Variants in NTNG1 observed in about 807,000 individuals in gnomAD.
The protein encoded by NTNG1 is netrin-G1.
A neutral mutation model predicts 54.0 loss-of-function variants in NTNG1; 16 were observed. The ratio of observed to expected loss-of-function variants is 0.30; its 90% CI spans 0.20 to 0.45. NTNG1 has a LOEUF of 0.45. Ranked by LOEUF, NTNG1 falls within the 20% of genes least tolerant of loss-of-function variation. NTNG1 has a pLI of 1.00. For synonymous variants in NTNG1, 255 were observed against 263.1 expected, an observed-to-expected ratio of 0.97 and a Z score of 0.30; for missense variants, 530 against 678.7, an observed-to-expected ratio of 0.78 and a Z score of 2.43.
chr1:107,262,965 G>T (rs201363069), intron 2 of NTNG1, among the ~76,000 whole-genome samples: 1 of 152,184 alleles, frequency 6.6e-6, no homozygotes, highest in East Asian at 1.9e-4. Context: ...CCCATTAGAG[G>T]ATCTGGTGGT....
chr1:107,443,118 T>C (rs1212342596), intron 7 of NTNG1, among the ~76,000 whole-genome samples: 1 of 152,058 alleles, frequency 6.6e-6, no homozygotes, highest in Non-Finnish European at 1.5e-5. Context: ...CTTCCCAGCT[T>C]TAACGTCAGA....
At chr1:107,285,561 T>C (rs964124797) in intron 2 of NTNG1, among the ~76,000 whole-genome samples, 2 of 152,184 alleles carry the variant, frequency 1.3e-5, no homozygotes, top group Non-Finnish European at 2.9e-5. Flanking sequence ...AGCTTTTTAA[T>C]ATATGAAAAT....
intron 3 of NTNG1, among the ~76,000 whole-genome samples, chr1:107,366,133 T>G (rs1040932513): frequency 6.6e-6 from 1 of 152,052 alleles, no homozygotes; most frequent in Non-Finnish European, 1.5e-5. Context: ...AGCAGAGAGT[T>G]AAGTAATATT....
chr1:107,383,907 T>C (rs17018843), intron 3 of NTNG1, among the ~76,000 whole-genome samples: 3,421 of 152,380 alleles, frequency 0.022, 113 homozygotes, highest in African/African-American at 0.066. Context: ...CCTAGTTTTG[T>C]TAATGCTGTT....
intron 2 of NTNG1, among the ~76,000 whole-genome samples, chr1:107,225,557 G>C (rs529382093): frequency 4.6e-5 from 7 of 152,216 alleles, no homozygotes; most frequent in Non-Finnish European, 8.8e-5. Flanking sequence ...TCCTGAGCAA[G>C]ATACATAACC....
chr1:107,469,466 T>C (rs1298855535), intron 7 of NTNG1, among the ~76,000 whole-genome samples: 1 of 152,132 alleles, frequency 6.6e-6, no homozygotes, highest in Non-Finnish European at 1.5e-5. Context: ...TTTTATTTAT[T>C]TTATTTTATC....
At chr1:107,150,740 T>C (rs979026605) in intron 2 of NTNG1, among the ~76,000 whole-genome samples, 5 of 152,094 alleles carry the variant, frequency 3.3e-5, no homozygotes, top group Non-Finnish European at 4.4e-5. Flanking sequence ...TGTTGAAGGG[T>C]TTACTTGGTG....
intron 3 of NTNG1, among the ~76,000 whole-genome samples, chr1:107,364,486 A>C (rs1670473604): frequency 6.6e-6 from 1 of 152,178 alleles, no homozygotes; most frequent in Non-Finnish European, 1.5e-5. Context: ...CTAGGAGTGA[A>C]CTGACTTGGT....
At chr1:107,284,081 C>T (rs1005650027) in intron 2 of NTNG1, among the ~76,000 whole-genome samples, 2 of 152,112 alleles carry the variant, frequency 1.3e-5, no homozygotes. Flanking sequence ...TGTTAGTATA[C>T]TTATCTCCTT....
At chr1:107,274,702 A>C (rs918202800) in intron 2 of NTNG1, among the ~76,000 whole-genome samples, 1 of 152,232 alleles carries the variant, frequency 6.6e-6, no homozygotes, top group Non-Finnish European at 1.5e-5. Context: ...GCAGGAAAGC[A>C]CTGGAGACAA....
At chr1:107,257,295 G>C (rs1345948811) in intron 2 of NTNG1, among the ~76,000 whole-genome samples, 1 of 152,158 alleles carries the variant, frequency 6.6e-6, no homozygotes, top group African/African-American at 2.4e-5. Context: ...TTTGTTAAAA[G>C]TATCCCAAGA....
At chr1:107,241,453 T>G (rs1479947345) in intron 2 of NTNG1, among the ~76,000 whole-genome samples, 1 of 152,196 alleles carries the variant, frequency 6.6e-6, no homozygotes, top group African/African-American at 2.4e-5. Flanking sequence ...CTGTATAATG[T>G]CCAAATATAA....
intron 2 of NTNG1, among the ~76,000 whole-genome samples, chr1:107,316,560 C>T (rs1047000208): frequency 4.6e-5 from 7 of 152,236 alleles, no homozygotes; most frequent in African/African-American, 1.7e-4. Flanking sequence ...GGCTTTGTTT[C>T]CCTACAAATG....
intron 3 of NTNG1, among the ~76,000 whole-genome samples, chr1:107,363,397 T>A (rs1438512627): frequency 2.6e-5 from 4 of 152,172 alleles, no homozygotes; most frequent in Admixed American, 6.6e-5. Flanking sequence ...GGTCATCCAG[T>A]CCAATTCAGT....
intron 2 of NTNG1, among the ~76,000 whole-genome samples, chr1:107,197,641 G>C (rs895374716): frequency 4.6e-5 from 7 of 151,880 alleles, no homozygotes; most frequent in Non-Finnish European, 7.4e-5. Flanking sequence ...TTGGCCCTCT[G>C]TCTTCAGGCT....
At chr1:107,352,893 C>T (rs1669710306) in intron 3 of NTNG1, among the ~76,000 whole-genome samples, 1 of 152,190 alleles carries the variant, frequency 6.6e-6, no homozygotes, top group Admixed American at 6.5e-5. Context: ...AGGTGGGCCC[C>T]TTTGAGCCAC....
chr1:107,376,379 GCCTGGGTGACA>G (rs1206559959), intron 3 of NTNG1, among the ~76,000 whole-genome samples: 10 of 150,574 alleles, frequency 6.6e-5, no homozygotes, highest in Admixed American at 6.0e-4. Context: ...CTGCACTCCA[GCCTGGGTGACA>G]GAGTGAGACT....
chr1:107,414,627 G>A (rs542167955), intron 5 of NTNG1, among the ~76,000 whole-genome samples: 2 of 152,084 alleles, frequency 1.3e-5, no homozygotes, highest in South Asian at 4.2e-4. Flanking sequence ...AAAAAATAGG[G>A]GAAGACATTA....
At chr1:107,418,573 C>T (rs183306683) in intron 5 of NTNG1, 20 of 1,584,904 alleles carry the variant, frequency 1.3e-5, no homozygotes, top group East Asian at 1.1e-4. Flanking sequence ...TTTCCTGATG[C>T]GTGCAGATCC....
Sources: gnomAD v4.1 joint callset for allele counts (sites outside exome capture counted in the v4.1 genomes callset) on GRCh38, gnomAD v4.1.1 for gene constraint, MANE v1.5 for transcripts, NCBI Gene and HGNC (gene_info 2026-07-23, HGNC 2026-07-21) for gene names.